Variants in GLB1L3 observed in about 807,000 individuals in gnomAD.
GLB1L3 encodes galactosidase beta 1 like 3.
GLB1L3 carries 89 observed loss-of-function variants against 89.5 expected under a neutral mutation model. The observed-to-expected ratio is 0.99, with a 90% CI of 0.84 to 1.19. The LOEUF (loss-of-function observed/expected upper bound fraction) is 1.19, where lower values mean the gene tolerates loss of function less well. Among genes scored for constraint, GLB1L3 ranks in the 50% most tolerant of loss-of-function variants. GLB1L3 has a pLI of 0.00. For synonymous variants in GLB1L3, 314 were observed against 312.3 expected (o/e 1.01, Z -0.06); for missense variants, 812 against 813.3 (o/e 1.00, Z 0.02).
chr11:134,296,858 AT>A (rs1941678783), intron 9 of GLB1L3, among the ~76,000 whole-genome samples: 1 of 132,758 alleles, frequency 7.5e-6, no homozygotes, highest in African/African-American at 2.7e-5. Context: ...AATAATAATA[AT>A]AATAAAAACA....
chr11:134,312,193 G>A (rs1463125742), intron 13 of GLB1L3, 156 bp from the exon 14 acceptor site: 9 of 761,928 alleles, frequency 1.2e-5, no homozygotes, highest in East Asian at 5.1e-5. Flanking sequence ...CAGTGGAGAC[G>A]TAAGCACAGA....
intron 5 of GLB1L3, among the ~76,000 whole-genome samples, chr11:134,283,207 C>T (rs546047878): frequency 1.3e-5 from 2 of 152,084 alleles, no homozygotes; most frequent in African/African-American, 2.4e-5. Flanking sequence ...GGATTACAGG[C>T]GCCCGCCACC....
chr11:134,304,957 T>C (rs1203370096), intron 9 of GLB1L3, among the ~76,000 whole-genome samples: 1 of 152,194 alleles, frequency 6.6e-6, no homozygotes, highest in Non-Finnish European at 1.5e-5. Flanking sequence ...TCTTATTGGC[T>C]CAAGGACTCA....
chr11:134,310,281 C>T, intron 11 of GLB1L3: 2 of 455,824 alleles, frequency 4.4e-6, no homozygotes, highest in Non-Finnish European at 3.9e-6. Flanking sequence ...GCATTCAAAG[C>T]CATCCTGGGC....
Position 134,277,691 on chromosome 11 carries a change from C to T in GLB1L3, c.150-9C>T, listed in dbSNP as rs1940454808. 6.3e-7 allele frequency: 1 copy of T among 1,599,428 alleles called. No individual in the cohort carries two copies. Among genetic ancestry groups the T allele is most frequent in the Non-Finnish European group, 8.5e-7 (1 of 1,172,566 alleles). On this transcript the variant is annotated splice_polypyrimidine_tract_variant and intron_variant, in intron 2 of 19. Transcript: ENST00000431683. ...TTTCCACTTTCTTTCCCTCGCCCGC[C>T]CCCTCCAGGTTTAATTGGTCTCATC...
rs561664184 is a variant in GLB1L3 at position 134,294,709 on chromosome 11, C to T, written c.876+1500C>T. Among the ~76,000 whole-genome samples the T allele has an allele frequency of 3.9e-5, 6 of 152,334 alleles. No homozygotes were observed. In the East Asian group the frequency reaches 5.8e-4, roughly 15 times the overall value. ...GTTCTATAAATTTACCTTTTCTAGA[C>T]GTTTCACATAAGCGCGCTCATGCAG... On this transcript the variant is annotated intron_variant, in intron 9 of 19. Coordinates refer to ENST00000431683, the MANE Select transcript of GLB1L3 (RefSeq NM_001080407.3).
chr11:134,311,312 C>T lies in GLB1L3; in HGVS notation c.1287+142C>T, dbSNP rs1214223611. The T allele has an allele frequency of 5.7e-6, 4 of 705,490 alleles. No individual in the cohort carries two copies. In the African/African-American group the frequency reaches 7.0e-5, roughly 12 times the overall value. The allele number at this position is 705,490 out of a possible 1,614,324, so 43.7% of individuals were successfully genotyped here. A position where few individuals can be genotyped will look rare whatever the true frequency, so the allele number is the denominator to read the frequency against. ...TTTAGAACTGTGGGACAAGAGCCAC[C>T]AGCTCCTTCCGGGTGGACTGTGAAG... On this transcript the variant is annotated intron_variant, in intron 13 of 19. Coordinates refer to ENST00000431683, the MANE Select transcript of GLB1L3 (RefSeq NM_001080407.3).
intron 8 of GLB1L3, 165 bp downstream of exon 8, chr11:134,292,378 T>G: frequency 3.4e-6 from 2 of 581,268 alleles, no homozygotes; most frequent in South Asian, 4.4e-5. Context: ...GACTCAAGGT[T>G]AAGGCTCAGG....
intron 7 of GLB1L3, among the ~76,000 whole-genome samples, chr11:134,289,736 G>A (rs1263276241): frequency 6.6e-6 from 1 of 152,172 alleles, no homozygotes; most frequent in Non-Finnish European, 1.5e-5. Flanking sequence ...CGTCTCTTCT[G>A]TCCCTCTTGC....
chr11:134,323,022 A>C (rs982477047), downstream of GLB1L3, among the ~76,000 whole-genome samples: 110 of 152,218 alleles, frequency 7.2e-4, 1 homozygote, highest in Admixed American at 2.0e-4. Context: ...AGCACTTTAC[A>C]GTTCCCACCA....
Position 134,295,842 on chromosome 11 carries a change from A to G in GLB1L3, c.876+2633A>G, listed in dbSNP as rs538393396. Among the ~76,000 whole-genome samples, 24 of 152,262 alleles carry G rather than the reference A, an allele frequency of 1.6e-4. No individual in the cohort carries two copies. In the South Asian group the frequency reaches 5.0e-3, roughly 32 times the overall value. On this transcript the variant is annotated intron_variant, in intron 9 of 19. Coordinates refer to ENST00000431683, the MANE Select transcript of GLB1L3 (RefSeq NM_001080407.3). The stretch of plus-strand genomic sequence containing the variant: ...GTTCAAAACTTCAAAACATTTTTTT[A>G]AATTTCCCTTGAGACTTTCTTTATT...
intron 16 of GLB1L3, 59 bp downstream of exon 16, chr11:134,313,533 C>A (rs1942844519): frequency 1.8e-6 from 2 of 1,105,714 alleles, no homozygotes; most frequent in Non-Finnish European, 2.6e-6. Context: ...GGGCTATGCA[C>A]TGGAGTCGGG....
At chr11:134,301,435 T>C (rs1197102101) in intron 9 of GLB1L3, among the ~76,000 whole-genome samples, 1 of 152,180 alleles carries the variant, frequency 6.6e-6, no homozygotes, top group African/African-American at 2.4e-5. Context: ...ATGCACACTA[T>C]CTTCTTGTTT....
chr11:134,306,985 G>C (rs1456282907), intron 9 of GLB1L3, 139 bp from the exon 10 acceptor site: 23 of 603,684 alleles, frequency 3.8e-5, no homozygotes, highest in Non-Finnish European at 6.7e-5. Context: ...AAGAAATACT[G>C]GATCAAAACG....
chr11:134,292,860 G>A (rs1591551639), intron 8 of GLB1L3: 2 of 517,660 alleles, frequency 3.9e-6, no homozygotes, highest in South Asian at 2.1e-5. Flanking sequence ...CAGGAAGCCT[G>A]TGTCCCGTTT....
intron 10 of GLB1L3, among the ~76,000 whole-genome samples, chr11:134,308,190 TCAC>T (rs1330720250): frequency 0.018 from 1,423 of 79,002 alleles, 95 homozygotes; most frequent in African/African-American, 0.085. Context: ...ATCACCATCA[TCAC>T]CATCACCACT....
chr11:134,281,238 AGG>A, intron 3 of GLB1L3, 137 bp from the exon 4 acceptor site: 1 of 935,832 alleles, frequency 1.1e-6, no homozygotes. Flanking sequence ...AGTGTAACAG[AGG>A]TTTAATTTCC....
intron 10 of GLB1L3, among the ~76,000 whole-genome samples, chr11:134,308,031 CAAAAG>C (rs1239904022): frequency 1.3e-5 from 2 of 151,876 alleles, no homozygotes; most frequent in Admixed American, 6.6e-5. Flanking sequence ...GAAAAAAAGT[CAAAAG>C]AAAAATGCCA....
intron 5 of GLB1L3, among the ~76,000 whole-genome samples, chr11:134,282,730 C>T (rs1002251016): frequency 1.3e-5 from 2 of 152,196 alleles, no homozygotes; most frequent in Non-Finnish European, 2.9e-5. Flanking sequence ...TCTCTGCCAC[C>T]CCTGTGGTGG....
Sources: allele counts gnomAD v4.1 joint callset (sites outside exome capture counted in the v4.1 genomes callset), GRCh38; gene constraint gnomAD v4.1.1; transcripts MANE v1.5; gene names NCBI Gene and HGNC (gene_info 2026-07-23, HGNC 2026-07-21).